Variants in BLOC1S3 observed in about 807,000 individuals in gnomAD.
The protein encoded by BLOC1S3 is biogenesis of lysosomal organelles complex 1 subunit 3.
BLOC1S3 carries 7 observed loss-of-function variants against 9.1 expected under a neutral mutation model. That is an observed-to-expected ratio of 0.77 (90% CI 0.44 to 1.45). The LOEUF is 1.45. BLOC1S3 is among the 40% of genes most tolerant of loss of function. The pLI is 0.01. For synonymous variants in BLOC1S3, 145 were observed against 158.4 expected, an observed-to-expected ratio of 0.92 and a Z score of 0.64; for missense variants, 307 against 315.2, an observed-to-expected ratio of 0.97 and a Z score of 0.20.
chr19:45,214,314 C>G (rs1010163159), intron 3 of BLOC1S3, among the ~76,000 whole-genome samples: 1 of 152,136 alleles, frequency 6.6e-6, no homozygotes, highest in African/African-American at 2.4e-5. Context: ...GGTTCTGTTT[C>G]TCTGAGTATG....
At chr19:45,214,028 A>G (rs1969807572) in intron 3 of BLOC1S3, among the ~76,000 whole-genome samples, 1 of 151,948 alleles carries the variant, frequency 6.6e-6, no homozygotes, top group African/African-American at 2.4e-5. Flanking sequence ...CCTAATCTCA[A>G]GCTCAACCCC....
downstream of BLOC1S3, among the ~76,000 whole-genome samples, chr19:45,184,644 T>C (rs994900948): frequency 1.3e-5 from 2 of 152,016 alleles, no homozygotes; most frequent in African/African-American, 4.8e-5. Flanking sequence ...CTCACGCCTG[T>C]AATCCCAGCA....
chr19:45,207,067 C>A (rs915961614), intron 3 of BLOC1S3, among the ~76,000 whole-genome samples: 4 of 151,884 alleles, frequency 2.6e-5, no homozygotes, highest in Admixed American at 1.3e-4. Context: ...GAACTCCTGA[C>A]CTCAAGTGAT....
At chr19:45,208,242 G>T (rs1168874581) in intron 3 of BLOC1S3, among the ~76,000 whole-genome samples, 2 of 151,926 alleles carry the variant, frequency 1.3e-5, no homozygotes, top group African/African-American at 4.8e-5. Context: ...AAAGTGCTGG[G>T]ATTACAGGCA....
At chr19:45,202,721 C>A in intron 3 of BLOC1S3, among the ~76,000 whole-genome samples, 1 of 152,092 alleles carries the variant, frequency 6.6e-6, no homozygotes, top group Non-Finnish European at 1.5e-5. Flanking sequence ...AGGAGTCTTT[C>A]CCCAGGGCCA....
At chr19:45,183,627 T>C (rs573383269), downstream of BLOC1S3, among the ~76,000 whole-genome samples, 242 of 132,606 alleles carry the variant, frequency 1.8e-3, 2 homozygotes, top group Admixed American at 2.7e-3. Context: ...TCTTTTCTTT[T>C]TTTTTTTTTT....
rs1480043480 is a variant in BLOC1S3 at position 45,211,509 on chromosome 19, T to TG, written n.283-5166dup. On this transcript the variant is annotated intron_variant and non_coding_transcript_variant, in intron 3 of 3. Transcript: ENST00000591569. ...CTGGGCGACAGAATGAGACTCTGAC[T>TG]GAAAAAAAAAAAAAAAAGAAAATGT... Among the ~76,000 whole-genome samples, 3 of 131,132 alleles carry TG rather than the reference T, an allele frequency of 2.3e-5. No homozygotes were observed. In the East Asian group the frequency reaches 6.4e-4, roughly 28 times the overall value. The allele number at this position is 131,132 out of a possible 152,430, so 86.0% of individuals were successfully genotyped here. A position where few individuals can be genotyped will look rare whatever the true frequency, so the allele number is the denominator to read the frequency against.
intron 3 of BLOC1S3, among the ~76,000 whole-genome samples, chr19:45,206,450 G>GGTTT (rs1969726297): frequency 1.8e-5 from 1 of 55,152 alleles, no homozygotes; most frequent in African/African-American, 9.4e-5. Flanking sequence ...GATTAATCAA[G>GGTTT]TTTTTTTTTT....
intron 3 of BLOC1S3, chr19:45,212,598 CTTTTTTTTTTT>C (rs530736333): frequency 2.7e-5 from 3 of 111,352 alleles, no homozygotes; most frequent in Non-Finnish European, 5.2e-5. Flanking sequence ...TTCCCCCTAC[CTTTTTTTTTTT>C]TTTTTTTTTT....
downstream of BLOC1S3, among the ~76,000 whole-genome samples, chr19:45,185,598 C>T (rs1286695289): frequency 1.3e-5 from 2 of 151,996 alleles, no homozygotes; most frequent in Non-Finnish European, 2.9e-5. Flanking sequence ...GAACCAGAGG[C>T]AGGAAAATCC....
At position 45,179,877 on chromosome 19, in the gene BLOC1S3, C is replaced by A. The variant is rs966342964; in HGVS notation, c.581C>A (p.Pro194His). The change falls in exon 2 of 2, where the codon CCT becomes CAT. Residue 194 changes from proline to histidine, a missense_variant. Pro to His is a moderately conservative substitution (Grantham distance 77). Coordinates refer to ENST00000433642, the MANE Select transcript of BLOC1S3 (RefSeq NM_212550.5). The surrounding 1 kb of genome is among the most constrained non-coding windows in gnomAD (Gnocchi z 4.6). ...ATCCGCGGCGTGCCAGGGACCGAGC[C>A]TGAGAAAGACCCGGGGCCGCGGGCC... Reference protein sequence around the residue: ...PDIRGVPGTEPEKDPGPRA With the variant: ...PDIRGVPGTEHEKDPGPRA 2 of 1,609,042 alleles carry A rather than the reference C, an allele frequency of 1.2e-6. No individual in the cohort carries two copies. Among genetic ancestry groups the A allele is most frequent in the Non-Finnish European group, 1.7e-6 (2 of 1,178,234 alleles).
At chr19:45,209,360 A>G (rs766449576) in intron 3 of BLOC1S3, among the ~76,000 whole-genome samples, 7 of 151,696 alleles carry the variant, frequency 4.6e-5, no homozygotes, top group Non-Finnish European at 1.0e-4. Flanking sequence ...ACTACAGTTA[A>G]TAACAATGTA....
chr19:45,185,754 C>T (rs1308677477), downstream of BLOC1S3, among the ~76,000 whole-genome samples: 3 of 151,502 alleles, frequency 2.0e-5, no homozygotes, highest in Non-Finnish European at 2.9e-5. Context: ...TCCCAAGGGC[C>T]CTGGGGAGCC....
chr19:45,200,376 G>T (rs1424937853), intron 2 of BLOC1S3, among the ~76,000 whole-genome samples: 2 of 151,892 alleles, frequency 1.3e-5, no homozygotes, highest in Non-Finnish European at 2.9e-5. Flanking sequence ...TAGAGATGGG[G>T]TTTCACCGTG....
chr19:45,200,781 T>G (rs1401743280), intron 2 of BLOC1S3, among the ~76,000 whole-genome samples: 1 of 152,230 alleles, frequency 6.6e-6, no homozygotes, highest in Non-Finnish European at 1.5e-5. Context: ...CTGAGCTTAT[T>G]TGAACCCATC....
At chr19:45,191,952 C>T (rs1969610188) in intron 2 of BLOC1S3, among the ~76,000 whole-genome samples, 1 of 152,266 alleles carries the variant, frequency 6.6e-6, no homozygotes, top group South Asian at 2.1e-4. Flanking sequence ...CACTGAAGGC[C>T]CTAGGGCTCT....
At chr19:45,203,245 G>A (rs1473633864) in intron 3 of BLOC1S3, among the ~76,000 whole-genome samples, 1 of 145,356 alleles carries the variant, frequency 6.9e-6, no homozygotes, top group Non-Finnish European at 1.5e-5. Flanking sequence ...AGTCCTTGTG[G>A]CCTGACTGCC....
chr19:45,198,239 T>C (rs932999818), intron 2 of BLOC1S3, among the ~76,000 whole-genome samples: 5 of 152,144 alleles, frequency 3.3e-5, no homozygotes, highest in African/African-American at 1.2e-4. Flanking sequence ...CATGCAATTT[T>C]CTCCTTTGGC....
intron 3 of BLOC1S3, among the ~76,000 whole-genome samples, chr19:45,202,805 C>T (rs1425340557): frequency 6.6e-6 from 1 of 152,090 alleles, no homozygotes; most frequent in Non-Finnish European, 1.5e-5. Flanking sequence ...CTGCGGCGAG[C>T]ACTCTCTGGC....
Sources: gnomAD v4.1 joint callset for allele counts (sites outside exome capture counted in the v4.1 genomes callset) on GRCh38, gnomAD v4.1.1 for gene constraint, Gnocchi (gnomAD v3.1) non-coding constraint, MANE v1.5 for transcripts, NCBI Gene and HGNC (gene_info 2026-07-23, HGNC 2026-07-21) for gene names.